LARGE1: variants seen among roughly 807,000 people sequenced by gnomAD.
LARGE1 encodes the protein xylosyl- and glucuronyltransferase LARGE1.
Under a neutral mutation model 87.6 loss-of-function variants are expected in LARGE1, and 43 were observed. The observed-to-expected ratio is 0.49, with a 90% CI of 0.38 to 0.63. The LOEUF (loss-of-function observed/expected upper bound fraction) is 0.63, where lower values mean the gene tolerates loss of function less well. Among genes scored for constraint, LARGE1 ranks in the 30% least tolerant of loss-of-function variants. The pLI, the probability that LARGE1 is intolerant of heterozygous loss-of-function variation, is 0.00. For missense variants in LARGE1, 802 were observed against 1,000.2 expected (o/e 0.80, Z 2.67); for synonymous variants, 434 against 394.6 (o/e 1.10, Z -1.18).
At chr22:33,259,660 C>T (rs535098925) in intron 11 of LARGE1, among the ~76,000 whole-genome samples, 19 of 152,338 alleles carry the variant, frequency 1.2e-4, no homozygotes, top group African/African-American at 4.3e-4. Flanking sequence ...TCCACAATTA[C>T]TTGCTGTCAT....
chr22:33,481,437 A>C (rs1448555851), intron 6 of LARGE1, among the ~76,000 whole-genome samples: 1 of 152,142 alleles, frequency 6.6e-6, no homozygotes, highest in Non-Finnish European at 1.5e-5. Flanking sequence ...AACATTTTAC[A>C]TATCGAAATA....
At chr22:33,303,666 G>A (rs991118231) in intron 12 of LARGE1, among the ~76,000 whole-genome samples, 3 of 152,212 alleles carry the variant, frequency 2.0e-5, no homozygotes, top group African/African-American at 4.8e-5. Flanking sequence ...TCTGTCACCA[G>A]GCTGGAGTGC....
intron 6 of LARGE1, among the ~76,000 whole-genome samples, chr22:33,459,781 G>A (rs2068296898): frequency 6.7e-6 from 1 of 150,134 alleles, no homozygotes; most frequent in Admixed American, 6.7e-5. Context: ...TCTGTAAGCT[G>A]GTCCATAGTG....
chr22:33,072,881 C>T, the LARGE1 span, among the ~76,000 whole-genome samples: 2 of 152,210 alleles, frequency 1.3e-5, no homozygotes, highest in African/African-American at 4.8e-5. Context: ...GTAGTCCTGG[C>T]TGTCAAACAC....
chr22:33,772,746 C>A (rs952000177), intron 1 of LARGE1, among the ~76,000 whole-genome samples: 2 of 152,154 alleles, frequency 1.3e-5, no homozygotes, highest in Admixed American at 6.6e-5. Context: ...TTAATCGCTG[C>A]TGCGCCCACT....
At chr22:33,170,370 AAAAT>A (rs973594882) in intron 11 of LARGE1, among the ~76,000 whole-genome samples, 6 of 152,222 alleles carry the variant, frequency 3.9e-5, no homozygotes, top group African/African-American at 1.4e-4. Flanking sequence ...CTCCATCTCA[AAAAT>A]AAATAAATAA....
intron 6 of LARGE1, among the ~76,000 whole-genome samples, chr22:33,451,729 T>C (rs757949749): frequency 1.3e-5 from 2 of 151,764 alleles, no homozygotes; most frequent in Non-Finnish European, 2.9e-5. Context: ...CAGCTAATTT[T>C]TGAATTTTTA....
At chr22:33,106,578 C>A in the LARGE1 span, among the ~76,000 whole-genome samples, 2 of 152,242 alleles carry the variant, frequency 1.3e-5, no homozygotes, top group South Asian at 4.1e-4. Flanking sequence ...TCACTGCAAC[C>A]TCTGCCTCCC....
At chr22:33,786,049 T>A (rs1011940020) in intron 1 of LARGE1, among the ~76,000 whole-genome samples, 2 of 152,136 alleles carry the variant, frequency 1.3e-5, no homozygotes, top group African/African-American at 2.4e-5. Flanking sequence ...ACAGCATCTT[T>A]ATTATTTTTA....
chr22:33,368,234 T>G (rs1172052566), intron 9 of LARGE1, among the ~76,000 whole-genome samples: 1 of 151,784 alleles, frequency 6.6e-6, no homozygotes, highest in Non-Finnish European at 1.5e-5. Context: ...ATTTCAACAT[T>G]TGAAAAAAAA....
At chr22:33,634,001 T>C (rs573941464) in intron 3 of LARGE1, among the ~76,000 whole-genome samples, 2 of 152,284 alleles carry the variant, frequency 1.3e-5, no homozygotes, top group South Asian at 4.1e-4. Flanking sequence ...TGAGCTTCAC[T>C]CGCCTCATCC....
chr22:33,411,830 T>C lies in LARGE1; in HGVS notation c.892+20331A>G, dbSNP rs376603209. ...TCTTAACAAGAAAGAAAATACACCATTGTATTAATGTAGAAGACGCCCAAT... is the reference window on the plus strand; with the variant it reads ...TCTTAACAAGAAAGAAAATACACCACTGTATTAATGTAGAAGACGCCCAAT... On this transcript the variant is annotated intron_variant, in intron 7 of 14. Coordinates refer to ENST00000397394, the MANE Select transcript of LARGE1 (RefSeq NM_133642.5). Among the ~76,000 whole-genome samples the C allele has an allele frequency of 1.4e-3, 213 of 152,332 alleles. 2 individuals carry two copies. Among genetic ancestry groups the C allele is most frequent in the African/African-American group, 4.5e-3 (189 of 41,574 alleles).
At chr22:33,800,541 A>AC (rs1191189071) in intron 1 of LARGE1, among the ~76,000 whole-genome samples, 1 of 152,102 alleles carries the variant, frequency 6.6e-6, no homozygotes, top group Non-Finnish European at 1.5e-5. Context: ...CCATTATGCT[A>AC]CCCCATTATA....
rs768428059 is a variant in LARGE1, at chr22:33,474,185, T to C, written c.788-41920A>G. On this transcript the variant is annotated intron_variant, in intron 6 of 14. Transcript: ENST00000397394. The stretch of plus-strand genomic sequence containing the variant: ...TTATTTATTTATTTATTTTTTGAGA[T>C]GGAGTTTCACTCTCGTTGCCTAGGC... Among the ~76,000 whole-genome samples, 90 of 152,290 alleles carry C rather than the reference T, an allele frequency of 5.9e-4. 1 individual carries two copies. Among genetic ancestry groups the C allele is most frequent in the Non-Finnish European group, 2.2e-4 (15 of 68,024 alleles).
At chr22:33,648,647 GC>G (rs1466311461) in intron 3 of LARGE1, among the ~76,000 whole-genome samples, 3 of 152,306 alleles carry the variant, frequency 2.0e-5, no homozygotes, top group African/African-American at 7.2e-5. Flanking sequence ...TGTTAACGTG[GC>G]TGAATGCCCG....
chr22:33,885,689 C>T (rs1017854329), intron 1 of LARGE1, among the ~76,000 whole-genome samples: 2 of 152,180 alleles, frequency 1.3e-5, no homozygotes, highest in Non-Finnish European at 2.9e-5. Flanking sequence ...ACCCAACCTA[C>T]AACTTCCTGT....
intron 4 of LARGE1, among the ~76,000 whole-genome samples, chr22:33,608,042 G>C (rs1170325007): frequency 6.6e-6 from 1 of 152,116 alleles, no homozygotes; most frequent in African/African-American, 2.4e-5. Context: ...CTTACCTGAG[G>C]GCCAAGTCAG....
chr22:33,844,524 G>A (rs552695249), intron 1 of LARGE1, among the ~76,000 whole-genome samples: 2 of 152,244 alleles, frequency 1.3e-5, no homozygotes, highest in East Asian at 1.9e-4. Context: ...TGGAATGCAG[G>A]TGACCTATCT....
intron 2 of LARGE1, among the ~76,000 whole-genome samples, chr22:33,675,760 G>C (rs78901190): frequency 0.023 from 3,544 of 152,222 alleles, 140 homozygotes; most frequent in African/African-American, 0.079. Flanking sequence ...AGGCGTTTAT[G>C]ACCCAAACTG....
Sources: gnomAD v4.1 joint callset for allele counts (sites outside exome capture counted in the v4.1 genomes callset) on GRCh38, gnomAD v4.1.1 for gene constraint, MANE v1.5 for transcripts, NCBI Gene and HGNC (gene_info 2026-07-23, HGNC 2026-07-21) for gene names.